Variants in CHST11 observed in about 807,000 individuals in gnomAD.
CHST11 encodes C4S-1.
Under a neutral mutation model 30.4 loss-of-function variants are expected in CHST11, and 9 were observed. The ratio of observed to expected loss-of-function variants is 0.30; its 90% CI spans 0.18 to 0.52. The LOEUF is 0.52. Ranked by LOEUF, CHST11 falls within the 20% of genes least tolerant of loss-of-function variation. The pLI is 0.97. For synonymous variants in CHST11, 152 were observed against 187.8 expected (o/e 0.81, Z 1.56); for missense variants, 348 against 460.6 (o/e 0.76, Z 2.24).
intron 2 of CHST11, among the ~76,000 whole-genome samples, chr12:104,665,769 G>A (rs1176022126): frequency 1.7e-5 from 2 of 116,426 alleles, no homozygotes; most frequent in East Asian, 5.8e-4. Flanking sequence ...GGGGGTGGGG[G>A]TCTTTCTTTT....
At chr12:104,755,843 T>A (rs1378517157) in intron 2 of CHST11, among the ~76,000 whole-genome samples, 1 of 151,532 alleles carries the variant, frequency 6.6e-6, no homozygotes, top group African/African-American at 2.4e-5. Context: ...GAGGGGAGAA[T>A]CCCAGATGGG....
At chr12:104,576,488 A>G (rs1018733555) in intron 1 of CHST11, among the ~76,000 whole-genome samples, 5 of 152,164 alleles carry the variant, frequency 3.3e-5, no homozygotes, top group African/African-American at 7.2e-5. Flanking sequence ...GCAGAACCAT[A>G]TATATGAGCC....
chr12:104,544,883 G>A (rs2038331127), intron 1 of CHST11, among the ~76,000 whole-genome samples: 3 of 150,236 alleles, frequency 2.0e-5, no homozygotes, highest in South Asian at 4.2e-4. Flanking sequence ...TAGGGTGGAT[G>A]TTGGCCTTGC....
chr12:104,487,498 G>A (rs770714487), intron 1 of CHST11, among the ~76,000 whole-genome samples: 1 of 152,236 alleles, frequency 6.6e-6, no homozygotes, highest in Non-Finnish European at 1.5e-5. Flanking sequence ...CTGAGCTCAA[G>A]CGATGCTCCC....
rs1296330882 is a variant in CHST11 at position 104,601,976 on chromosome 12, C to G, written c.189C>G (p.Leu63=). 1.9e-6 allele frequency: 3 copies of G among 1,613,536 alleles called. No homozygotes were observed. The highest frequency in any genetic ancestry group is 2.5e-6 in the Non-Finnish European group (3 of 1,179,764). ...GGTCCCGAAGCCCCCTGCAGGAACT[C>G]TACAACCCAATCCAGGTAAGCTTCA... ...RKGSRSPLQE[L]YNPIQLELSN... is the part of the protein sequence containing the mutation. Residue 63 remains leucine, a synonymous_variant, in exon 2 of 3, where the codon CTC becomes CTG. Transcript: ENST00000303694.
chr12:104,626,693 C>T (rs1592802155), intron 2 of CHST11, among the ~76,000 whole-genome samples: 2 of 150,890 alleles, frequency 1.3e-5, no homozygotes, highest in Admixed American at 6.6e-5. Flanking sequence ...TTTTAATAGA[C>T]TTGATTTTTT....
chr12:104,580,901 A>G (rs2038736408), intron 1 of CHST11, among the ~76,000 whole-genome samples: 1 of 152,154 alleles, frequency 6.6e-6, no homozygotes, highest in Admixed American at 6.5e-5. Flanking sequence ...CTGGGTTTTC[A>G]TATTTCTTAT....
At chr12:104,715,061 C>T (rs1424520350) in intron 2 of CHST11, among the ~76,000 whole-genome samples, 4 of 152,260 alleles carry the variant, frequency 2.6e-5, no homozygotes, top group East Asian at 1.9e-4. Context: ...GCCTTAGTTT[C>T]CACATCTATA....
chr12:104,682,260 G>A (rs1005444012), intron 2 of CHST11, among the ~76,000 whole-genome samples: 1 of 152,190 alleles, frequency 6.6e-6, no homozygotes, highest in Non-Finnish European at 1.5e-5. Flanking sequence ...TTCCATCAGG[G>A]AGGGACAAAG....
intron 1 of CHST11, among the ~76,000 whole-genome samples, chr12:104,475,691 T>TATATATATATATATATATATATA (rs6144846): frequency 4.7e-5 from 6 of 127,798 alleles, no homozygotes; most frequent in Non-Finnish European, 1.0e-4. Context: ...TATATATATA[T>TATATATATATATATATATATATA]TTCTGATTAT....
At chr12:104,545,330 T>C (rs1307279389) in intron 1 of CHST11, among the ~76,000 whole-genome samples, 1 of 152,228 alleles carries the variant, frequency 6.6e-6, no homozygotes, top group Non-Finnish European at 1.5e-5. Context: ...TGTTGGGCTT[T>C]ATTGACATCA....
intron 1 of CHST11, among the ~76,000 whole-genome samples, chr12:104,495,241 C>T (rs143779370): frequency 1.4e-3 from 207 of 152,242 alleles, no homozygotes; most frequent in African/African-American, 4.8e-3. Context: ...CTGGGTTGTT[C>T]CTGTGTCTTG....
intron 1 of CHST11, among the ~76,000 whole-genome samples, chr12:104,557,191 G>A (rs921214202): frequency 2.0e-5 from 3 of 152,254 alleles, no homozygotes; most frequent in African/African-American, 4.8e-5. Context: ...CCACAACAGT[G>A]GGGATGTCTG....
chr12:104,518,540 C>T (rs150783637), intron 1 of CHST11, among the ~76,000 whole-genome samples: 15 of 152,202 alleles, frequency 9.9e-5, no homozygotes, highest in East Asian at 3.9e-4. Flanking sequence ...TGAAGGACCC[C>T]GGGCAGATTC....
intron 1 of CHST11, among the ~76,000 whole-genome samples, chr12:104,593,780 G>C (rs1257525067): frequency 6.6e-6 from 1 of 152,182 alleles, no homozygotes; most frequent in African/African-American, 2.4e-5. Context: ...CCTCCTGGCT[G>C]GTGGTAAGTA....
At position 104,652,729 on chromosome 12, in the gene CHST11, C is replaced by T. The variant is rs372400336; in HGVS notation, c.204+50738C>T. On this transcript the variant is annotated intron_variant, in intron 2 of 2. Coordinates refer to ENST00000303694, the MANE Select transcript of CHST11 (RefSeq NM_018413.6). ...AGACCCGAAGCCCCAACAGGGCTCC[C>T]GGGTTGAAATGAAGCTGCTAATGGA... Among the ~76,000 whole-genome samples, 11 of 152,348 alleles carry T rather than the reference C, an allele frequency of 7.2e-5. No homozygotes were observed. The East Asian group carries it at 1.9e-3, about 27-fold the overall frequency.
At chr12:104,465,320 T>C (rs954532363) in intron 1 of CHST11, among the ~76,000 whole-genome samples, 3 of 152,192 alleles carry the variant, frequency 2.0e-5, no homozygotes, top group African/African-American at 7.2e-5. Flanking sequence ...TTGTAGTTAG[T>C]ATTTGTCTGA....
At chr12:104,677,716 G>A (rs181396573) in intron 2 of CHST11, among the ~76,000 whole-genome samples, 228 of 152,358 alleles carry the variant, frequency 1.5e-3, no homozygotes, top group Non-Finnish European at 2.8e-3. Context: ...GCATAGCTGC[G>A]CACAGCTTCC....
intron 1 of CHST11, among the ~76,000 whole-genome samples, chr12:104,551,236 A>T (rs1592758755): frequency 6.6e-6 from 1 of 152,328 alleles, no homozygotes; most frequent in East Asian, 1.9e-4. Flanking sequence ...TTAATAGGCA[A>T]CTGCATGTTG....
Sources: allele counts gnomAD v4.1 joint callset (sites outside exome capture counted in the v4.1 genomes callset), GRCh38; gene constraint gnomAD v4.1.1; transcripts MANE v1.5; gene names NCBI Gene and HGNC (gene_info 2026-07-23, HGNC 2026-07-21).